Variants in GREB1 observed in about 807,000 individuals in gnomAD.
The protein encoded by GREB1 is growth regulating estrogen receptor binding 1.
GREB1 carries 106 observed loss-of-function variants against 200.7 expected under a neutral mutation model. The ratio of observed to expected loss-of-function variants is 0.53; its 90% CI spans 0.45 to 0.62. GREB1 has a LOEUF of 0.62. Among genes scored for constraint, GREB1 ranks in the 20% least tolerant of loss-of-function variants. The probability of loss-of-function intolerance (pLI) is 0.00; values close to 1 mark genes in which losing one functional copy is unlikely to be tolerated. For missense variants in GREB1, 2,243 were observed against 2,556.8 expected (o/e 0.88, Z 2.65); for synonymous variants, 1,132 against 1,092.4 (o/e 1.04, Z -0.72).
At chr2:11,516,659 G>T (rs1433261293) in intron 1 of GREB1, among the ~76,000 whole-genome samples, 2 of 150,386 alleles carry the variant, frequency 1.3e-5, no homozygotes, top group Non-Finnish European at 3.0e-5. Flanking sequence ...TGCGGTTGAG[G>T]CGTGAGGGCC....
intron 1 of GREB1, among the ~76,000 whole-genome samples, chr2:11,553,812 A>G (rs956820076): frequency 5.9e-5 from 9 of 152,072 alleles, no homozygotes; most frequent in South Asian, 2.1e-4. Flanking sequence ...CTGGGTGCCA[A>G]TCAGCTGTGA....
chr2:11,522,619 G>A (rs960567267), intron 1 of GREB1, among the ~76,000 whole-genome samples: 4 of 152,120 alleles, frequency 2.6e-5, no homozygotes, highest in African/African-American at 9.7e-5. Context: ...CCCGTGGCAG[G>A]TGTGGTTCAA....
At chr2:11,605,412 G>A (rs1185050023) in intron 17 of GREB1, among the ~76,000 whole-genome samples, 1 of 151,810 alleles carries the variant, frequency 6.6e-6, no homozygotes, top group Non-Finnish European at 1.5e-5. Flanking sequence ...TTTTAGTAGA[G>A]ACGGGGTTTC....
intron 1 of GREB1, among the ~76,000 whole-genome samples, chr2:11,544,908 G>A (rs906080992): frequency 2.0e-5 from 3 of 152,040 alleles, no homozygotes; most frequent in African/African-American, 7.2e-5. Flanking sequence ...TCTGCCTCCC[G>A]GGGTCAAACG....
intron 1 of GREB1, among the ~76,000 whole-genome samples, chr2:11,513,249 C>T (rs561852702): frequency 6.6e-6 from 1 of 152,226 alleles, no homozygotes; most frequent in Admixed American, 6.5e-5. Flanking sequence ...GTTAGGGACT[C>T]GCAGCTCATA....
chr2:11,595,482 C>A, intron 12 of GREB1, 103 bp downstream of exon 12: 1 of 1,161,786 alleles, frequency 8.6e-7, no homozygotes, highest in Non-Finnish European at 1.2e-6. Flanking sequence ...CCTGCTAAGG[C>A]TGGCCTCCAC....
At position 11,541,441 on chromosome 2, in the gene GREB1, G is replaced by A. The variant is rs550730057; in HGVS notation, c.-162+7187G>A. Reference sequence around the variant, plus strand: ...GCATCCGCGAGTGAGTGGATGGCAAGTGAGAGGGGGGCCATGGGGATCGGA... The same window carrying A: ...GCATCCGCGAGTGAGTGGATGGCAAATGAGAGGGGGGCCATGGGGATCGGA... On this transcript the variant is annotated intron_variant, in intron 1 of 32. Coordinates refer to ENST00000381486, the MANE Select transcript of GREB1 (RefSeq NM_014668.4). Among the ~76,000 whole-genome samples the A allele has an allele frequency of 1.7e-3, 246 of 142,684 alleles. 1 individual carries two copies. Among genetic ancestry groups the A allele is most frequent in the African/African-American group, 5.8e-3 (235 of 40,602 alleles). 93.6% of individuals were successfully genotyped at this position (142,684 alleles called of 152,430 possible).
chr2:11,599,385 G>A (rs1572874342), intron 15 of GREB1, among the ~76,000 whole-genome samples: 2 of 150,858 alleles, frequency 1.3e-5, no homozygotes, highest in Admixed American at 1.3e-4. Context: ...TGTCGCCCAG[G>A]CTGGAGTGCA....
Position 11,621,004 on chromosome 2 carries a change from A to T in GREB1, c.4144A>T (p.Ile1382Phe), listed in dbSNP as rs535066083. The part of the protein sequence containing the change: ...VDVYDEEEIN[I>F]NLREESDWHY... Reference sequence around the variant, plus strand: ...TGTCTATGACGAGGAGGAGATCAATATCAGTGAGTTATCTGTTTGGGGTTA... The same window carrying T: ...TGTCTATGACGAGGAGGAGATCAATTTCAGTGAGTTATCTGTTTGGGGTTA... The change falls in exon 23 of 33, where the codon ATC (isoleucine) becomes TTC (phenylalanine). Residue 1382 changes from isoleucine (I) to phenylalanine (F), a missense_variant. Around this residue, in one of 3 missense-constraint regions of GREB1, gnomAD observed 587 missense variants for 553.1 expected, o/e 1.06. Transcript: ENST00000381486. 1 of 1,577,392 alleles carries T rather than the reference A, an allele frequency of 6.3e-7. No homozygotes were observed. The highest frequency in any genetic ancestry group is 2.2e-5 in the East Asian group (1 of 44,718).
chr2:11,587,741 A>ACACACACACACGCGCGCG lies in GREB1; in HGVS notation c.1160-1004_1160-1003insACACACACACGCGCGCGC. 2,938 of 787,938 alleles carry ACACACACACACGCGCGCG rather than the reference A, an allele frequency of 3.7e-3. 289 individuals are homozygous for ACACACACACACGCGCGCG. The highest frequency in any genetic ancestry group is 5.1e-3 in the South Asian group (116 of 22,644). The allele number at this position is 787,938 out of a possible 1,614,324, so 48.8% of individuals were successfully genotyped here. A position where few individuals can be genotyped will look rare whatever the true frequency, so the allele number is the denominator to read the frequency against. On this transcript the variant is annotated intron_variant, in intron 9 of 32. Transcript: ENST00000381486. ...CACACACACACACACACACACACAC[A>ACACACACACACGCGCGCG]CGCCACCTTTGGGAGCTCAGCAGCC...
chr2:11,521,649 C>CA (rs1252228340), intron 1 of GREB1, among the ~76,000 whole-genome samples: 3 of 152,126 alleles, frequency 2.0e-5, no homozygotes, highest in African/African-American at 4.8e-5. Context: ...ATATGAGGCC[C>CA]AAAAAATCAG....
At chr2:11,541,443 GAGA>G (rs1471488156) in intron 1 of GREB1, among the ~76,000 whole-genome samples, 1 of 141,560 alleles carries the variant, frequency 7.1e-6, no homozygotes, top group South Asian at 2.3e-4. Flanking sequence ...GATGGCAAGT[GAGA>G]GGGGGGCCAT....
chr2:11,640,288 C>G lies in GREB1; in HGVS notation c.5687-3C>G. On this transcript the variant is annotated splice_region_variant and splice_polypyrimidine_tract_variant and intron_variant, in intron 32 of 32. Coordinates refer to ENST00000381486, the MANE Select transcript of GREB1 (RefSeq NM_014668.4). The surrounding 1 kb of genome is among the most constrained non-coding windows in gnomAD (Gnocchi z 4.6). ...TCCCACACCTCTGCCGTTGTCCACG[C>G]AGGTGCGACGTTGTGTGTCATCTGT... 6.2e-7 allele frequency: 1 copy of G among 1,608,412 alleles called. No homozygotes were observed. The highest frequency in any genetic ancestry group is 8.5e-7 in the Non-Finnish European group (1 of 1,176,676).
chr2:11,576,268 T>G, intron 4 of GREB1, 85 bp from the exon 5 acceptor site: 1 of 1,115,354 alleles, frequency 9.0e-7, no homozygotes. Flanking sequence ...GATCGCACCA[T>G]TGCATTCCAG....
At chr2:11,611,534 G>A (rs1432756110) in intron 18 of GREB1, among the ~76,000 whole-genome samples, 1 of 145,504 alleles carries the variant, frequency 6.9e-6, no homozygotes, top group East Asian at 1.9e-4. Context: ...TCAAACTCCT[G>A]AGTTCAAGCA....
intron 1 of GREB1, among the ~76,000 whole-genome samples, chr2:11,522,182 T>G (rs957986458): frequency 7.2e-5 from 11 of 152,144 alleles, no homozygotes; most frequent in Admixed American, 3.9e-4. Flanking sequence ...GATTTTTTTT[T>G]GGGTGTTAAC....
At chr2:11,635,175 C>A (rs1368722529) in intron 29 of GREB1, 95 bp from the exon 30 acceptor site, 9 of 1,466,116 alleles carry the variant, frequency 6.1e-6, no homozygotes, top group African/African-American at 2.8e-5. Flanking sequence ...TTCATAGCCC[C>A]CTACGATGGG....
chr2:11,486,562 A>C (rs1325930567), intron 1 of GREB1, among the ~76,000 whole-genome samples: 4 of 152,136 alleles, frequency 2.6e-5, no homozygotes, highest in African/African-American at 7.2e-5. Context: ...TTAAAAAAAA[A>C]CAAAAAACAG....
At position 11,556,610 on chromosome 2, in the gene GREB1, T is replaced by A; in HGVS notation, c.-5T>A. ...TTTTAAACAGAAGACTCCATCCTCTTGAAGATGGGAAATTCTTACGCTGGA... is the reference window on the plus strand; with the variant it reads ...TTTTAAACAGAAGACTCCATCCTCTAGAAGATGGGAAATTCTTACGCTGGA... On this transcript the variant is annotated 5_prime_UTR_variant, in exon 2 of 33. Transcript: ENST00000381486. 1 of 1,607,282 alleles carries A rather than the reference T, an allele frequency of 6.2e-7. No individual in the cohort carries two copies. The highest frequency in any genetic ancestry group is 8.5e-7 in the Non-Finnish European group (1 of 1,175,898).
Sources: allele counts gnomAD v4.1 joint callset (sites outside exome capture counted in the v4.1 genomes callset), GRCh38; gene constraint gnomAD v4.1.1; regional missense constraint gnomAD v4.1.1; non-coding constraint Gnocchi (gnomAD v3.1); transcripts MANE v1.5; gene names NCBI Gene and HGNC (gene_info 2026-07-23, HGNC 2026-07-21).